CHCHD3: variants seen among roughly 807,000 people sequenced by gnomAD.
CHCHD3 encodes the protein MICOS complex subunit MIC19.
Under a neutral mutation model 38.2 loss-of-function variants are expected in CHCHD3, and 20 were observed. That is an observed-to-expected ratio of 0.52 (90% CI 0.37 to 0.76). The LOEUF (loss-of-function observed/expected upper bound fraction) is 0.76, where lower values mean the gene tolerates loss of function less well. CHCHD3 is among the 30% of genes least tolerant of loss of function. CHCHD3 has a pLI of 0.00. For missense variants in CHCHD3, 245 were observed against 279.2 expected (o/e 0.88, Z 0.87); for synonymous variants, 82 against 100.0 (o/e 0.82, Z 1.07).
intron 6 of CHCHD3, among the ~76,000 whole-genome samples, chr7:132,835,800 G>A (rs1245996190): frequency 6.6e-6 from 1 of 152,154 alleles, no homozygotes; most frequent in Non-Finnish European, 1.5e-5. Context: ...TTGGGGTGAG[G>A]GTCTTTGAGG....
intron 6 of CHCHD3, 95 bp from the exon 7 acceptor site, chr7:132,796,672 A>G: frequency 9.4e-7 from 1 of 1,060,336 alleles, no homozygotes; most frequent in Non-Finnish European, 1.4e-6. Context: ...TAAGACACAG[A>G]TGTTGCAAAT....
chr7:132,836,451 C>G (rs1807785488), intron 6 of CHCHD3, among the ~76,000 whole-genome samples: 1 of 151,360 alleles, frequency 6.6e-6, no homozygotes, highest in African/African-American at 2.4e-5. Flanking sequence ...CTTTTTTTTT[C>G]TCTTGCACTT....
intron 3 of CHCHD3, among the ~76,000 whole-genome samples, chr7:132,981,409 G>C (rs1168178046): frequency 6.6e-6 from 1 of 152,200 alleles, no homozygotes; most frequent in African/African-American, 2.4e-5. Context: ...ACATCTTAAA[G>C]AGTAAACTTT....
intron 4 of CHCHD3, among the ~76,000 whole-genome samples, chr7:132,909,526 A>T (rs893800198): frequency 6.6e-6 from 1 of 152,124 alleles, no homozygotes; most frequent in Non-Finnish European, 1.5e-5. Context: ...ACAGAAAAAC[A>T]AATCTCAAGC....
chr7:132,895,740 C>T (rs1017777538), intron 4 of CHCHD3, among the ~76,000 whole-genome samples: 9 of 152,200 alleles, frequency 5.9e-5, no homozygotes, highest in Non-Finnish European at 8.8e-5. Flanking sequence ...CTTTGCCTTC[C>T]GCCATGATTG....
intron 2 of CHCHD3, among the ~76,000 whole-genome samples, chr7:133,031,205 T>C (rs567014842): frequency 3.6e-4 from 55 of 152,258 alleles, no homozygotes; most frequent in South Asian, 1.5e-3. Flanking sequence ...ACACATCACC[T>C]GTCTTCTATG....
intron 3 of CHCHD3, among the ~76,000 whole-genome samples, chr7:132,983,106 G>C (rs1214413925): frequency 6.6e-6 from 1 of 152,064 alleles, no homozygotes; most frequent in Non-Finnish European, 1.5e-5. Flanking sequence ...TGGATTACCT[G>C]AGGTCAGGAG....
At chr7:132,907,697 A>G (rs7794596) in intron 4 of CHCHD3, among the ~76,000 whole-genome samples, 30,363 of 152,058 alleles carry the variant, frequency 0.2, 3,408 homozygotes, top group South Asian at 0.26. Flanking sequence ...TTTGAGCACA[A>G]TGGAAACAGT....
At chr7:133,017,920 C>G (rs1813072038) in intron 3 of CHCHD3, among the ~76,000 whole-genome samples, 1 of 152,098 alleles carries the variant, frequency 6.6e-6, no homozygotes, top group Non-Finnish European at 1.5e-5. Context: ...GCAGATGGCA[C>G]AAGATTCCAA....
chr7:132,969,926 T>C (rs1197666659), intron 4 of CHCHD3, among the ~76,000 whole-genome samples: 1 of 152,194 alleles, frequency 6.6e-6, no homozygotes, highest in African/African-American at 2.4e-5. Flanking sequence ...AGGTTGGACA[T>C]GTCTCTTTAT....
rs571117970 is a variant in CHCHD3 at position 132,963,360 on chromosome 7, T to G, written c.369+11809A>C. Reference sequence around the variant, plus strand: ...TTTTTTTTTTTTTTTTGCCAGGCACTGTGGCTCACGCCTATAATCCCAGCA... The same window carrying G: ...TTTTTTTTTTTTTTTTGCCAGGCACGGTGGCTCACGCCTATAATCCCAGCA... On this transcript the variant is annotated intron_variant, in intron 4 of 7. Transcript: ENST00000262570. Among the ~76,000 whole-genome samples, 126 of 133,824 alleles carry G rather than the reference T, an allele frequency of 9.4e-4. 2 individuals are homozygous for G. In the East Asian group the frequency reaches 0.011, roughly 12 times the overall value. The allele number at this position is 133,824 out of a possible 152,430, so 87.8% of individuals were successfully genotyped here.
rs534517568 is a variant in CHCHD3 at position 132,904,277 on chromosome 7, C to A, written c.370-18532G>T. On this transcript the variant is annotated intron_variant, in intron 4 of 7. Transcript: ENST00000262570. Reference sequence around the variant, plus strand: ...ACTTTGTGTCTAGAAAAAAAAAAAACCCACAACTTTTTTTTACATATTTAA... The same window carrying A: ...ACTTTGTGTCTAGAAAAAAAAAAAAACCACAACTTTTTTTTACATATTTAA... 7.3e-5 allele frequency among the ~76,000 whole-genome samples: 11 copies of A among 150,076 alleles called. No individual in the cohort carries two copies. The East Asian group carries it at 1.4e-3, about 19-fold the overall frequency.
chr7:132,935,786 T>C (rs1810619403), intron 4 of CHCHD3, among the ~76,000 whole-genome samples: 1 of 152,176 alleles, frequency 6.6e-6, no homozygotes. Context: ...GACTGGGTAA[T>C]TTGTAAAGAA....
intron 4 of CHCHD3, among the ~76,000 whole-genome samples, chr7:132,915,018 C>T (rs1324026955): frequency 4.0e-5 from 6 of 151,686 alleles, no homozygotes; most frequent in East Asian, 1.9e-4. Context: ...AAAAATTAGC[C>T]GGGTGTGGTG....
chr7:133,017,084 A>C (rs775642222), intron 3 of CHCHD3, among the ~76,000 whole-genome samples: 6 of 152,246 alleles, frequency 3.9e-5, no homozygotes, highest in Non-Finnish European at 8.8e-5. Flanking sequence ...CCCAGTTAGC[A>C]CAAGGGCCTG....
intron 6 of CHCHD3, chr7:132,813,276 C>T (rs1420805415): frequency 6.6e-6 from 1 of 152,154 alleles, no homozygotes; most frequent in Non-Finnish European, 1.5e-5. Flanking sequence ...TCTTAACATC[C>T]CAACTGGAAT....
chr7:133,056,316 T>C (rs1814331562), intron 2 of CHCHD3, among the ~76,000 whole-genome samples: 1 of 152,172 alleles, frequency 6.6e-6, no homozygotes, highest in East Asian at 1.9e-4. Context: ...AAGCCCTTTA[T>C]GACTGTAACC....
At chr7:132,978,098 G>A (rs1018257194) in intron 3 of CHCHD3, among the ~76,000 whole-genome samples, 17 of 152,016 alleles carry the variant, frequency 1.1e-4, no homozygotes, top group Non-Finnish European at 1.3e-4. Context: ...ACCTTACAGC[G>A]TTCTATATAA....
At chr7:133,071,293 T>C (rs1326992820) in intron 1 of CHCHD3, among the ~76,000 whole-genome samples, 1 of 152,124 alleles carries the variant, frequency 6.6e-6, no homozygotes, top group Non-Finnish European at 1.5e-5. Flanking sequence ...GTTAATTCAA[T>C]GAATGAATGT....
Sources: allele counts gnomAD v4.1 joint callset (sites outside exome capture counted in the v4.1 genomes callset), GRCh38; gene constraint gnomAD v4.1.1; transcripts MANE v1.5; gene names NCBI Gene and HGNC (gene_info 2026-07-23, HGNC 2026-07-21).